PSMD3: variants seen among roughly 807,000 people sequenced by gnomAD.
PSMD3 encodes the protein proteasome 26S subunit, non-ATPase 3, also known as 26S proteasome non-ATPase regulatory subunit 3.
A neutral mutation model predicts 62.8 loss-of-function variants in PSMD3; 5 were observed. The observed-to-expected ratio is 0.08, with a 90% CI of 0.04 to 0.17. The LOEUF is 0.17. PSMD3 is among the 10% of genes least tolerant of loss of function. The pLI, the probability that PSMD3 is intolerant of heterozygous loss-of-function variation, is 1.00. For missense variants in PSMD3, 524 were observed against 713.6 expected (o/e 0.73, Z 3.03); for synonymous variants, 265 against 283.9 (o/e 0.93, Z 0.67).
In PSMD3 at chr17:39,994,985, T is replaced by C; in HGVS notation, c.1013T>C (p.Leu338Ser). Reference sequence around the variant, plus strand: ...AAGCTTCTCATCGTGGTGGAGCTGTTGCTGGGGGAGATCCCTGACCGGCTG... The same window carrying C: ...AAGCTTCTCATCGTGGTGGAGCTGTCGCTGGGGGAGATCCCTGACCGGCTG... ...VHKLLIVVEL[L>S]LGEIPDRLQF... is the part of the protein sequence containing the mutation. Residue 338 changes from leucine to serine, a missense_variant, in exon 7 of 12, where the codon TTG (leucine) becomes TCG (serine). Leu to Ser is a moderately radical substitution (Grantham distance 145, BLOSUM62 -2). Transcript: ENST00000264639. The C allele has an allele frequency of 6.2e-7, 1 of 1,614,104 alleles. No individual in the cohort carries two copies.
In PSMD3 at chr17:39,986,535, C is replaced by G. The variant is rs202217010; in HGVS notation, c.412-40C>G. The G allele has an allele frequency of 1.2e-5, 19 of 1,607,562 alleles. No individual in the cohort carries two copies. In the Admixed American group the frequency reaches 2.0e-4, roughly 17 times the overall value. On this transcript the variant is annotated intron_variant, in intron 2 of 11. Coordinates refer to ENST00000264639, the MANE Select transcript of PSMD3 (RefSeq NM_002809.4). The stretch of plus-strand genomic sequence containing the variant: ...CTCAATAAATTCTTGGTTACTTGAT[C>G]AGACTGAGCTTTTCCATGGTAACTT...
rs1980583096 is a variant in PSMD3 at position 39,988,696 on chromosome 17, C to G, written c.563C>G (p.Ser188Cys). 6 of 1,614,172 alleles carry G rather than the reference C, an allele frequency of 3.7e-6. No individual in the cohort carries two copies. The highest frequency in any genetic ancestry group is 1.3e-5 in the African/African-American group (1 of 75,050). The change falls in exon 4 of 12, where the codon TCT becomes TGT. Residue 188 changes from serine to cysteine, a missense_variant. Coordinates refer to ENST00000264639, the MANE Select transcript of PSMD3 (RefSeq NM_002809.4). ...CTTCCTCCCCAGGCACAGAAGATCT[C>G]TGATGATCTGATGCAGAAGATCAGT... ...SKRYKEAQKISDDLMQKISTQ... is the reference protein window; with the variant it reads ...SKRYKEAQKICDDLMQKISTQ...
chr17:39,996,104 G>C lies in PSMD3; in HGVS notation c.1321-79G>C, dbSNP rs1980776310. 1.7e-5 allele frequency: 27 copies of C among 1,552,792 alleles called. No individual in the cohort carries two copies. In the South Asian group the frequency reaches 1.9e-4, roughly 11 times the overall value. On this transcript the variant is annotated intron_variant, in intron 9 of 11. Coordinates refer to ENST00000264639, the MANE Select transcript of PSMD3 (RefSeq NM_002809.4). The surrounding 1 kb of genome is among the most constrained non-coding windows in gnomAD (Gnocchi z 5.1). ...ACCGCACTCTCCTGCCTGGGTGACA[G>C]AGCGAGACTCCATCTCAAAAAAAAA...
At chr17:39,997,404 A>G in intron 11 of PSMD3, 24 bp downstream of exon 11, 1 of 1,613,996 alleles carries the variant, frequency 6.2e-7, no homozygotes, top group Non-Finnish European at 8.5e-7. Flanking sequence ...TTTCTGGGTG[A>G]GACCGAAAGG....
chr17:39,996,379 A>G lies in PSMD3; in HGVS notation c.1476+41A>G. The G allele has an allele frequency of 6.3e-7, 1 of 1,599,478 alleles. No homozygotes were observed. On this transcript the variant is annotated intron_variant, in intron 10 of 11. Transcript: ENST00000264639. This position sits in a 1 kb window ranked among gnomAD's most constrained non-coding sequence, Gnocchi z 5.1. ...CTGCAGAGTCACGCCTGGCAGCAGC[A>G]CACCCCTCCCTCCACACTCATGGAT...
intron 6 of PSMD3, 91 bp from the exon 7 acceptor site, chr17:39,994,863 A>T: frequency 8.9e-7 from 1 of 1,120,642 alleles, no homozygotes; most frequent in Non-Finnish European, 1.3e-6. Flanking sequence ...CCTGTTTCCC[A>T]CTACATCTGG....
rs758843411 is a variant in PSMD3, at chr17:39,995,489, T to G, written c.1282T>G (p.Leu428Val). The change falls in exon 9 of 12, where the codon TTG (leucine) becomes GTG (valine). Residue 428 changes from leucine to valine, a missense_variant. Around this residue, in one of 4 missense-constraint regions of PSMD3, gnomAD observed 76 missense variants for 97.3 expected, o/e 0.78. Coordinates refer to ENST00000264639, the MANE Select transcript of PSMD3 (RefSeq NM_002809.4). This position sits in a 1 kb window ranked among gnomAD's most constrained non-coding sequence, Gnocchi z 4.1. ...SLADIAQKLQ[L>V]DSPEDAEFIV... ...GGCTGACATCGCCCAGAAGCTGCAG[T>G]TGGATAGCCCCGAAGATGCAGAGTT... 4.3e-6 allele frequency: 7 copies of G among 1,614,046 alleles called. No individual in the cohort carries two copies. The Middle Eastern group carries it at 6.6e-4, about 152-fold the overall frequency.
intron 6 of PSMD3, 30 bp downstream of exon 6, chr17:39,990,227 C>CT (rs763343154): frequency 3.6e-6 from 5 of 1,381,392 alleles, no homozygotes; most frequent in Non-Finnish European, 2.9e-6. Context: ...ATCCCTTTGC[C>CT]TCTTTTTTTT....
At chr17:39,986,825 C>A in intron 3 of PSMD3, 113 bp downstream of exon 3, 2 of 1,345,664 alleles carry the variant, frequency 1.5e-6, no homozygotes, top group South Asian at 1.3e-5. Context: ...TAAGAACTGT[C>A]CCCCACACTC....
In PSMD3 at chr17:39,984,285, C is replaced by G. The variant is rs985512176; in HGVS notation, c.221-9C>G. On this transcript the variant is annotated splice_polypyrimidine_tract_variant and intron_variant, in intron 1 of 11. Transcript: ENST00000264639. ...AAGTGACATCATTTTCTTCTCTGCT[C>G]TTCTTCAGACATCAAGGAGCACGTG... is the stretch of plus-strand genomic sequence containing the variant. The G allele has an allele frequency of 2.5e-6, 4 of 1,592,418 alleles. No homozygotes were observed. Among genetic ancestry groups the G allele is most frequent in the Non-Finnish European group, 3.4e-6 (4 of 1,166,930 alleles).
At chr17:39,993,787 A>G (rs749126421) in intron 6 of PSMD3, 1 of 152,288 alleles carries the variant, frequency 6.6e-6, no homozygotes, top group Middle Eastern at 3.4e-3. Flanking sequence ...GCTGTAGGGT[A>G]TCATAACGGT....
At chr17:39,993,704 A>G (rs1422195275) in intron 6 of PSMD3, 1 of 152,244 alleles carries the variant, frequency 6.6e-6, no homozygotes, top group Non-Finnish European at 1.5e-5. Context: ...CCCAGCTTAC[A>G]TTCACTTGCC....
chr17:39,996,691 T>G lies in PSMD3; in HGVS notation c.1476+353T>G, dbSNP rs955198303. The G allele has an allele frequency of 6.1e-6, 3 of 495,684 alleles. No homozygotes were observed. Among genetic ancestry groups the G allele is most frequent in the African/African-American group, 5.8e-5 (3 of 51,716 alleles). 30.7% of individuals were successfully genotyped at this position (495,684 alleles called of 1,614,324 possible). A position where few individuals can be genotyped will look rare whatever the true frequency, so the allele number is the denominator to read the frequency against. The stretch of plus-strand genomic sequence containing the variant: ...ATAGGGAGGTGTTACCTGTCTTGCT[T>G]GCTTCACAGGGTTGGTAAGATTAAA... On this transcript the variant is annotated intron_variant, in intron 10 of 11. Transcript: ENST00000264639. The surrounding 1 kb of genome is among the most constrained non-coding windows in gnomAD (Gnocchi z 5.1).
intron 6 of PSMD3, among the ~76,000 whole-genome samples, chr17:39,991,948 C>G (rs759395454): frequency 1.6e-4 from 24 of 150,710 alleles, no homozygotes; most frequent in Non-Finnish European, 3.1e-4. Flanking sequence ...TCACTTGGGC[C>G]CAGGAAGTCG....
In PSMD3 at chr17:39,986,628, G is replaced by A. The variant is rs576377128; in HGVS notation, c.465G>A (p.Ala155=). Residue 155 remains alanine (A), a synonymous_variant, in exon 3 of 12, where the codon GCG becomes GCA. Transcript: ENST00000264639. ...LQFRPRTGKA[A]STPLLPEVEA... is the part of the protein sequence containing the mutation. ...TCCGTCCCCGCACGGGAAAAGCTGC[G>A]TCGACACCCCTCCTGCCTGAAGTGG... The A allele has an allele frequency of 3.1e-5, 50 of 1,614,092 alleles. No individual in the cohort carries two copies. The Admixed American group carries it at 5.2e-4, about 17-fold the overall frequency.
Position 39,980,984 on chromosome 17 carries a change from G to A in PSMD3, c.14G>A (p.Gly5Asp). 6.5e-7 allele frequency: 1 copy of A among 1,545,322 alleles called. No individual in the cohort carries two copies. The highest frequency in any genetic ancestry group is 1.2e-5 in the South Asian group (1 of 83,088). The change falls in exon 1 of 12, where the codon GGC (glycine) becomes GAC (aspartate). Residue 5 changes from glycine (G) to aspartate (D), a missense_variant. By Grantham distance (94) the Gly-to-Asp change is moderately conservative. This residue lies in a region of PSMD3 where 396 missense variants were observed against 475.8 expected (regional missense o/e 0.83). Transcript: ENST00000264639. MKQE[G>D]SARRRGADKA... ...ACCCCGGGTGCCATGAAGCAGGAGG[G>A]CTCGGCGCGGCGCCGCGGCGCGGAC...
At chr17:39,986,490 G>T (rs1240359228) in intron 2 of PSMD3, 85 bp from the exon 3 acceptor site, 2 of 1,509,330 alleles carry the variant, frequency 1.3e-6, no homozygotes, top group East Asian at 4.5e-5. Context: ...CAATAAATAT[G>T]TTGAAATACA....
intron 1 of PSMD3, among the ~76,000 whole-genome samples, chr17:39,982,558 C>T (rs1980414212): frequency 1.3e-5 from 2 of 152,042 alleles, no homozygotes; most frequent in Admixed American, 1.3e-4. Flanking sequence ...TATTGAATAC[C>T]CAATATAATG....
intron 1 of PSMD3, among the ~76,000 whole-genome samples, chr17:39,983,771 G>T (rs185523164): frequency 5.5e-4 from 84 of 152,176 alleles, no homozygotes; most frequent in Middle Eastern, 3.4e-3. Context: ...ACCCCATCCT[G>T]CACCCCCACT....
Sources: allele counts gnomAD v4.1 joint callset (sites outside exome capture counted in the v4.1 genomes callset), GRCh38; gene constraint gnomAD v4.1.1; regional missense constraint gnomAD v4.1.1; non-coding constraint Gnocchi (gnomAD v3.1); transcripts MANE v1.5; gene names NCBI Gene and HGNC (gene_info 2026-07-23, HGNC 2026-07-21).